The following LRRTM4 variants were observed in gnomAD, a reference collection of about 807,000 sequenced individuals.
LRRTM4 encodes the protein leucine rich repeat transmembrane neuronal 4.
Under a neutral mutation model 47.6 loss-of-function variants are expected in LRRTM4, and 25 were observed. That is an observed-to-expected ratio of 0.53 (90% CI 0.38 to 0.73). LRRTM4 has a LOEUF of 0.73. LRRTM4 is among the 30% of genes least tolerant of loss of function. LRRTM4 has a pLI of 0.00. For missense variants in LRRTM4, 638 were observed against 713.4 expected (o/e 0.89, Z 1.20); for synonymous variants, 311 against 269.5 (o/e 1.15, Z -1.51).
At chr2:77,049,677 A>C (rs990544908) in intron 3 of LRRTM4, among the ~76,000 whole-genome samples, 18 of 151,896 alleles carry the variant, frequency 1.2e-4, no homozygotes, top group African/African-American at 4.3e-4. Context: ...TTTCTTATTT[A>C]TTATTAATAT....
intron 3 of LRRTM4, among the ~76,000 whole-genome samples, chr2:77,134,012 G>A (rs1446825600): frequency 6.6e-6 from 1 of 151,982 alleles, no homozygotes; most frequent in Admixed American, 6.6e-5. Context: ...AACTAACATT[G>A]AAAATTAGCA....
chr2:77,173,041 C>T (rs1673098958), intron 3 of LRRTM4, among the ~76,000 whole-genome samples: 1 of 152,080 alleles, frequency 6.6e-6, no homozygotes, highest in Middle Eastern at 3.2e-3. Flanking sequence ...TAATCAGCTG[C>T]CAATGATGGG....
At chr2:76,878,974 T>C (rs1281646026) in intron 3 of LRRTM4, among the ~76,000 whole-genome samples, 2 of 152,152 alleles carry the variant, frequency 1.3e-5, no homozygotes, top group Non-Finnish European at 2.9e-5. Flanking sequence ...AGCAAGTCCC[T>C]AAATCTCTTC....
At chr2:76,940,361 C>T (rs183192076) in intron 3 of LRRTM4, among the ~76,000 whole-genome samples, 1 of 152,182 alleles carries the variant, frequency 6.6e-6, no homozygotes, top group East Asian at 1.9e-4. Context: ...CTAGAGGCCA[C>T]TATACTTAGC....
intron 3 of LRRTM4, among the ~76,000 whole-genome samples, chr2:76,964,343 T>A (rs1469600862): frequency 1.3e-5 from 2 of 151,100 alleles, no homozygotes. Flanking sequence ...TTTCATTGAA[T>A]GTAACATGAA....
rs1055397312 is a variant in LRRTM4 at position 77,407,015 on chromosome 2, A to C, written c.1551+111303T>G. Among the ~76,000 whole-genome samples the C allele has an allele frequency of 5.3e-5, 8 of 152,152 alleles. No homozygotes were observed. In the East Asian group the frequency reaches 1.3e-3, roughly 26 times the overall value. On this transcript the variant is annotated intron_variant, in intron 3 of 3. Coordinates refer to ENST00000409884, the MANE Select transcript of LRRTM4 (RefSeq NM_001134745.3). ...TAACTACTGTAAAGTTGGTCAATAA[A>C]GCCAATGTTTTAAATAGATAATTTC...
chr2:77,482,907 G>T (rs1424588518), intron 3 of LRRTM4, among the ~76,000 whole-genome samples: 1 of 151,864 alleles, frequency 6.6e-6, no homozygotes, highest in Non-Finnish European at 1.5e-5. Flanking sequence ...CAGATCACAA[G>T]GTCAGAAGTT....
chr2:77,493,091 T>A (rs1678231815), intron 3 of LRRTM4, among the ~76,000 whole-genome samples: 1 of 152,036 alleles, frequency 6.6e-6, no homozygotes, highest in Non-Finnish European at 1.5e-5. Flanking sequence ...TAAAATCTAT[T>A]TAGAAATTAT....
intron 3 of LRRTM4, among the ~76,000 whole-genome samples, chr2:77,123,714 G>T (rs1484458473): frequency 6.6e-6 from 1 of 151,900 alleles, no homozygotes; most frequent in East Asian, 1.9e-4. Context: ...CACATCAGAA[G>T]TTAATATTTG....
chr2:77,059,444 G>T (rs1405848798), intron 3 of LRRTM4, among the ~76,000 whole-genome samples: 1 of 150,796 alleles, frequency 6.6e-6, no homozygotes, highest in East Asian at 1.9e-4. Flanking sequence ...AAATGTAATG[G>T]CTTATATTTG....
At chr2:77,297,040 T>C (rs111552981) in intron 3 of LRRTM4, among the ~76,000 whole-genome samples, 92 of 152,336 alleles carry the variant, frequency 6.0e-4, no homozygotes, top group African/African-American at 2.0e-3. Context: ...ATTCCTCCAG[T>C]ATGCCGGCAT....
At chr2:76,772,781 CTGT>C (rs1371793177) in intron 3 of LRRTM4, 4 of 151,296 alleles carry the variant, frequency 2.6e-5, no homozygotes, top group African/African-American at 9.8e-5. Flanking sequence ...TTATTACGGT[CTGT>C]TGTTATAGTT....
At chr2:77,198,695 T>G (rs1673893372) in intron 3 of LRRTM4, among the ~76,000 whole-genome samples, 1 of 152,182 alleles carries the variant, frequency 6.6e-6, no homozygotes, top group South Asian at 2.1e-4. Flanking sequence ...AGCTACTTGC[T>G]TTCAATCACT....
At position 76,926,617 on chromosome 2, in the gene LRRTM4, T is replaced by C. The variant is rs915400886; in HGVS notation, c.1552-177701A>G. ...TGTCCTCATAAATTAAAGCTGGTAT[T>C]GCAGGAATGTTTTGTTATGGTGTTA... On this transcript the variant is annotated intron_variant, in intron 3 of 3. Transcript: ENST00000409884. 5.3e-5 allele frequency among the ~76,000 whole-genome samples: 8 copies of C among 152,260 alleles called. 2 individuals carry two copies.
intron 3 of LRRTM4, among the ~76,000 whole-genome samples, chr2:76,916,143 A>G (rs1304252220): frequency 6.6e-6 from 1 of 152,142 alleles, no homozygotes; most frequent in African/African-American, 2.4e-5. Context: ...TCCAGAGGAA[A>G]GAAAAAACTA....
At chr2:76,922,466 C>G (rs952207181) in intron 3 of LRRTM4, among the ~76,000 whole-genome samples, 2 of 152,028 alleles carry the variant, frequency 1.3e-5, no homozygotes, top group African/African-American at 4.8e-5. Flanking sequence ...CTCCATGATT[C>G]AATCATCCCC....
intron 3 of LRRTM4, among the ~76,000 whole-genome samples, chr2:77,091,257 TA>T (rs1465395792): frequency 4.7e-5 from 7 of 150,202 alleles, no homozygotes; most frequent in Non-Finnish European, 7.4e-5. Context: ...CCCCCCACCT[TA>T]ACCCACAAGT....
chr2:77,472,412 G>A (rs758239423), intron 3 of LRRTM4, among the ~76,000 whole-genome samples: 27 of 152,108 alleles, frequency 1.8e-4, no homozygotes, highest in Non-Finnish European at 3.1e-4. Context: ...TCACAGGAAC[G>A]TACCCTGTAT....
chr2:77,243,350 C>A (rs368103594), intron 3 of LRRTM4, among the ~76,000 whole-genome samples: 1 of 139,208 alleles, frequency 7.2e-6, no homozygotes, highest in East Asian at 2.1e-4. Flanking sequence ...GCGGAGGTTG[C>A]GGTGAGCCGA....
Sources: gnomAD v4.1 joint callset for allele counts (sites outside exome capture counted in the v4.1 genomes callset) on GRCh38, gnomAD v4.1.1 for gene constraint, MANE v1.5 for transcripts, NCBI Gene and HGNC (gene_info 2026-07-23, HGNC 2026-07-21) for gene names.